Variants in PSPC1 observed in about 807,000 individuals in gnomAD.
PSPC1 encodes the protein paraspeckle component 1.
A neutral mutation model predicts 51.6 loss-of-function variants in PSPC1; 14 were observed. That is an observed-to-expected ratio of 0.27 (90% CI 0.18 to 0.42). The LOEUF (loss-of-function observed/expected upper bound fraction) is 0.42. PSPC1 is among the 10% of genes least tolerant of loss of function. The pLI is 1.00. For missense variants in PSPC1, 406 were observed against 701.1 expected, an observed-to-expected ratio of 0.58 and a Z score of 4.75; for synonymous variants, 193 against 231.9, an observed-to-expected ratio of 0.83 and a Z score of 1.53.
At position 19,734,664 on chromosome 13, in the gene PSPC1, T is replaced by C. The variant is rs57990165; in HGVS notation, c.1053-4320A>G. ...TACAACTACAAAAACTAGCCTGGCG[T>C]GGTGGCAGGTGCCTGTAATCCCAGT... On this transcript the variant is annotated intron_variant, in intron 5 of 8. Coordinates refer to ENST00000338910, the MANE Select transcript of PSPC1 (RefSeq NM_001354909.2). Among the ~76,000 whole-genome samples, 911 of 151,988 alleles carry C rather than the reference T, an allele frequency of 6.0e-3. 12 individuals are homozygous for C. The highest frequency in any genetic ancestry group is 0.02 in the African/African-American group (834 of 41,456).
At chr13:19,778,680 G>C (rs1468719237) in intron 1 of PSPC1, among the ~76,000 whole-genome samples, 1 of 136,988 alleles carries the variant, frequency 7.3e-6, no homozygotes, top group East Asian at 2.2e-4. Flanking sequence ...GTGCTCAATG[G>C]TGCCCAGGCT....
At chr13:19,777,644 T>C (rs1889307542) in intron 1 of PSPC1, among the ~76,000 whole-genome samples, 1 of 151,760 alleles carries the variant, frequency 6.6e-6, no homozygotes, top group Non-Finnish European at 1.5e-5. Context: ...TGTTGAAGTG[T>C]TTGCCCTAAA....
At chr13:19,774,663 G>A (rs1888919687) in intron 1 of PSPC1, among the ~76,000 whole-genome samples, 1 of 151,714 alleles carries the variant, frequency 6.6e-6, no homozygotes, top group Non-Finnish European at 1.5e-5. Context: ...AATTAGCCGG[G>A]GCATGGTGGT....
chr13:19,749,145 A>C (rs1040603348), intron 4 of PSPC1, among the ~76,000 whole-genome samples: 5 of 152,092 alleles, frequency 3.3e-5, no homozygotes, highest in Non-Finnish European at 7.4e-5. Context: ...TCAGGAGTTC[A>C]AGAGCAGCCT....
chr13:19,755,242 A>G (rs1886954092), intron 3 of PSPC1, among the ~76,000 whole-genome samples: 1 of 152,128 alleles, frequency 6.6e-6, no homozygotes, highest in African/African-American at 2.4e-5. Flanking sequence ...TCTCAAAAAA[A>G]AAAAGAAAAG....
At chr13:19,751,021 G>C (rs550010287) in intron 4 of PSPC1, among the ~76,000 whole-genome samples, 1 of 151,862 alleles carries the variant, frequency 6.6e-6, no homozygotes, top group African/African-American at 2.4e-5. Flanking sequence ...CATCTGCCTT[G>C]GCCCCCCAAA....
chr13:19,744,852 C>G (rs1274379196), intron 4 of PSPC1, among the ~76,000 whole-genome samples: 1 of 152,108 alleles, frequency 6.6e-6, no homozygotes, highest in African/African-American at 2.4e-5. Flanking sequence ...CGTGAGCCAC[C>G]GCGCCCGGCC....
intron 6 of PSPC1, among the ~76,000 whole-genome samples, chr13:19,683,894 T>C (rs1178545539): frequency 3.3e-5 from 5 of 152,130 alleles, no homozygotes; most frequent in Non-Finnish European, 7.4e-5. Context: ...ATCAAAGAAA[T>C]GTGAAGTTCA....
chr13:19,778,147 C>T (rs1207171361), intron 1 of PSPC1, among the ~76,000 whole-genome samples: 1 of 151,768 alleles, frequency 6.6e-6, no homozygotes, highest in Non-Finnish European at 1.5e-5. Flanking sequence ...GAGGCTGAGG[C>T]AGGAGAATCG....
At chr13:19,739,504 T>C (rs376533709) in intron 5 of PSPC1, among the ~76,000 whole-genome samples, 1 of 152,032 alleles carries the variant, frequency 6.6e-6, no homozygotes, top group African/African-American at 2.4e-5. Flanking sequence ...TCCCAGCACT[T>C]TGGGAGGCCG....
At chr13:19,731,157 A>G (rs1884058784) in intron 5 of PSPC1, among the ~76,000 whole-genome samples, 1 of 152,120 alleles carries the variant, frequency 6.6e-6, no homozygotes, top group Non-Finnish European at 1.5e-5. Flanking sequence ...CACTGAAAGA[A>G]ATCCCCTGAA....
intron 4 of PSPC1, among the ~76,000 whole-genome samples, chr13:19,747,703 A>C (rs1886138488): frequency 6.6e-6 from 1 of 152,100 alleles, no homozygotes; most frequent in Non-Finnish European, 1.5e-5. Flanking sequence ...ACATATGCAA[A>C]TTTTTTTTCA....
downstream of PSPC1, among the ~76,000 whole-genome samples, chr13:19,700,121 T>C (rs1879726438): frequency 6.6e-6 from 1 of 152,098 alleles, no homozygotes; most frequent in African/African-American, 2.4e-5. Context: ...TCAGAATCTA[T>C]GTTGTAATGA....
At chr13:19,673,030 GA>G (rs1413462518), downstream of PSPC1, 1 of 444,544 alleles carries the variant, frequency 2.2e-6, no homozygotes, top group East Asian at 7.0e-5. Flanking sequence ...ACTCCAGCCT[GA>G]GTGACAGAAT....
At chr13:19,748,006 G>GA (rs1260116580) in intron 4 of PSPC1, among the ~76,000 whole-genome samples, 1 of 152,196 alleles carries the variant, frequency 6.6e-6, no homozygotes, top group East Asian at 1.9e-4. Flanking sequence ...TTGAGGTCAG[G>GA]AGTTCGAAAC....
At chr13:19,727,270 T>C (rs958086523) in intron 6 of PSPC1, among the ~76,000 whole-genome samples, 3 of 152,124 alleles carry the variant, frequency 2.0e-5, no homozygotes, top group Admixed American at 2.0e-4. Flanking sequence ...GGCAGGCACC[T>C]GTAATCCCAG....
chr13:19,733,991 G>A (rs1004902733), intron 5 of PSPC1, among the ~76,000 whole-genome samples: 11 of 152,044 alleles, frequency 7.2e-5, no homozygotes, highest in African/African-American at 2.7e-4. Flanking sequence ...CCATAGAAGA[G>A]GGTATGAAAA....
chr13:19,774,636 CT>C (rs1888917375), intron 1 of PSPC1, among the ~76,000 whole-genome samples: 1 of 150,790 alleles, frequency 6.6e-6, no homozygotes, highest in Admixed American at 6.6e-5. Flanking sequence ...AACCTAGTCT[CT>C]ATCAAAAAAT....
chr13:19,759,391 G>C lies in PSPC1; in HGVS notation c.702C>G (p.Pro234=). 2 of 1,614,054 alleles carry C rather than the reference G, an allele frequency of 1.2e-6. No homozygotes were observed. Among genetic ancestry groups the C allele is most frequent in the South Asian group, 2.2e-5 (2 of 91,080 alleles). Residue 234 remains proline, a synonymous_variant, in exon 3 of 9, where the codon CCC becomes CCG. Transcript: ENST00000338910. The part of the protein sequence containing the change: ...TTTPRPVIVE[P]MEQFDDEDGL... The stretch of plus-strand genomic sequence containing the variant: ...CATCTTCATCATCAAACTGCTCCAT[G>C]GGTTCCACAATGACTGGACGAGGGG...
Sources: allele counts gnomAD v4.1 joint callset (sites outside exome capture counted in the v4.1 genomes callset), GRCh38; gene constraint gnomAD v4.1.1; transcripts MANE v1.5; gene names NCBI Gene and HGNC (gene_info 2026-07-23, HGNC 2026-07-21).